Variants in FBXL18 observed in about 807,000 individuals in gnomAD.
FBXL18 encodes the protein F-box/LRR-repeat protein 18.
Under a neutral mutation model 46.0 loss-of-function variants are expected in FBXL18, and 36 were observed. That is an observed-to-expected ratio of 0.78 (90% CI 0.60 to 1.03). The LOEUF is 1.03. FBXL18 is among the 50% of genes least tolerant of loss of function. The pLI is 0.00. For missense variants in FBXL18, 977 were observed against 1,004.1 expected, an observed-to-expected ratio of 0.97 and a Z score of 0.36; for synonymous variants, 557 against 465.3, an observed-to-expected ratio of 1.20 and a Z score of -2.54.
At chr7:5,492,698 A>G (rs1783962207) in intron 3 of FBXL18, among the ~76,000 whole-genome samples, 1 of 152,120 alleles carries the variant, frequency 6.6e-6, no homozygotes, top group Non-Finnish European at 1.5e-5. Flanking sequence ...TTATAAGGCC[A>G]GGTGAAGGCA....
downstream of FBXL18, among the ~76,000 whole-genome samples, chr7:5,474,676 G>T (rs982280419): frequency 4.9e-5 from 1 of 20,474 alleles, no homozygotes; most frequent in South Asian, 2.4e-3. Flanking sequence ...GGCAAATTAT[G>T]CACTTTATTT....
chr7:5,510,318 AAAAG>A (rs1584248335), intron 1 of FBXL18, among the ~76,000 whole-genome samples: 1 of 150,754 alleles, frequency 6.6e-6, no homozygotes, highest in East Asian at 1.9e-4. Context: ...AAAAAAAAAA[AAAAG>A]AAAAGAAAAA....
At chr7:5,463,720 A>AT (rs1562672240) in intron 4 of FBXL18, among the ~76,000 whole-genome samples, 52 of 63,276 alleles carry the variant, frequency 8.2e-4, no homozygotes, top group South Asian at 1.3e-3. Context: ...TTATTTATTT[A>AT]TTTATTTATT....
At chr7:5,463,713 T>TATATATATATA in intron 4 of FBXL18, among the ~76,000 whole-genome samples, 1 of 66,918 alleles carries the variant, frequency 1.5e-5, no homozygotes, top group African/African-American at 6.0e-5. Flanking sequence ...TATTTATTTA[T>TATATATATATA]TTATTTATTT....
chr7:5,508,439 C>CCAA (rs1469352696), intron 1 of FBXL18, among the ~76,000 whole-genome samples: 2 of 81,660 alleles, frequency 2.4e-5, no homozygotes, highest in Admixed American at 1.4e-4. Context: ...GAGACTTTGT[C>CCAA]TAAAAAAAAA....
chr7:5,498,551 G>A (rs1032796347), intron 3 of FBXL18, among the ~76,000 whole-genome samples: 4 of 151,660 alleles, frequency 2.6e-5, no homozygotes, highest in African/African-American at 4.8e-5. Flanking sequence ...CGCCACGCCC[G>A]GCCCATTTGG....
Position 5,500,660 on chromosome 7 carries a change from T to C in FBXL18, c.1609A>G (p.Thr537Ala), listed in dbSNP as rs1404354034. 1 of 1,611,636 alleles carries C rather than the reference T, an allele frequency of 6.2e-7. No homozygotes were observed. The highest frequency in any genetic ancestry group is 8.5e-7 in the Non-Finnish European group (1 of 1,179,328). Residue 537 changes from threonine (T) to alanine (A), a missense_variant, in exon 3 of 5, where the codon ACG becomes GCG. By Grantham distance (58) the Thr-to-Ala change is moderately conservative. Transcript: ENST00000382368. ...IGQLAFLRHLTLAQLPSVLTG... is the reference protein window; with the variant it reads ...IGQLAFLRHLALAQLPSVLTG... ...AGGACGCTGGGCAGCTGTGCGAGCGTCAGGTGCCGCAGGAAGGCCAGCTGG... is the reference window on the plus strand; with the variant it reads ...AGGACGCTGGGCAGCTGTGCGAGCGCCAGGTGCCGCAGGAAGGCCAGCTGG...
chr7:5,456,168 C>T (rs535161480), intron 4 of FBXL18, among the ~76,000 whole-genome samples: 1 of 152,106 alleles, frequency 6.6e-6, no homozygotes, highest in Non-Finnish European at 1.5e-5. Context: ...CTGTCCTCCC[C>T]GAGGCTCAGC....
chr7:5,489,744 A>G, intron 4 of FBXL18: 1 of 260,990 alleles, frequency 3.8e-6, no homozygotes, highest in African/African-American at 2.2e-5. Context: ...ACGCCACTGC[A>G]CTCCAGCCTG....
In FBXL18 at chr7:5,498,233, G is replaced by A. The variant is rs557818745; in HGVS notation, c.1781+2255C>T. 2.5e-4 allele frequency among the ~76,000 whole-genome samples: 38 copies of A among 151,908 alleles called. 1 individual carries two copies. In the South Asian group the frequency reaches 6.4e-3, roughly 26 times the overall value. On this transcript the variant is annotated intron_variant, in intron 3 of 4. Coordinates refer to ENST00000382368, the MANE Select transcript of FBXL18 (RefSeq NM_024963.6). ...CTCCTAAGCAGCTGGGACTACAGGC[G>A]CCCACCACCACGCCCAGCTAATTTT...
At chr7:5,486,709 G>T (rs899930273) in intron 4 of FBXL18, among the ~76,000 whole-genome samples, 3 of 152,210 alleles carry the variant, frequency 2.0e-5, no homozygotes, top group Non-Finnish European at 2.9e-5. Flanking sequence ...AGTCGTGTGT[G>T]AAGGTGAGTC....
intron 4 of FBXL18, among the ~76,000 whole-genome samples, chr7:5,490,854 G>A (rs1418870439): frequency 6.6e-6 from 1 of 152,186 alleles, no homozygotes; most frequent in Non-Finnish European, 1.5e-5. Context: ...AGCTACTCAG[G>A]AAGCCAAGGC....
At position 5,503,497 on chromosome 7, in the gene FBXL18, A is replaced by G. The variant is rs556176436; in HGVS notation, c.238-1466T>C. ...GCCTCCTGAGTAGCTGGAACTACAG[A>G]CATGTGCCACCATGCCATGCTCATT... On this transcript the variant is annotated intron_variant, in intron 2 of 4. Coordinates refer to ENST00000382368, the MANE Select transcript of FBXL18 (RefSeq NM_024963.6). 1.9e-4 allele frequency among the ~76,000 whole-genome samples: 29 copies of G among 150,352 alleles called. No homozygotes were observed. The South Asian group carries it at 5.9e-3, about 30-fold the overall frequency.
intron 4 of FBXL18, among the ~76,000 whole-genome samples, chr7:5,485,782 T>C (rs1247951642): frequency 2.6e-5 from 4 of 151,908 alleles, no homozygotes; most frequent in Admixed American, 1.3e-4. Flanking sequence ...CCGGGCGCGG[T>C]GGCTCAAGCC....
chr7:5,482,049 T>C, intron 4 of FBXL18, 118 bp from the exon 5 acceptor site: 1 of 1,228,894 alleles, frequency 8.1e-7, no homozygotes, highest in Non-Finnish European at 1.1e-6. Context: ...CACCTGGGGC[T>C]CCCAGACAGA....
chr7:5,505,121 G>A (rs772450278), intron 2 of FBXL18, among the ~76,000 whole-genome samples: 2 of 151,360 alleles, frequency 1.3e-5, no homozygotes, highest in Admixed American at 6.6e-5. Context: ...CACTCCTAGC[G>A]ATCCACAAGA....
intron 3 of FBXL18, among the ~76,000 whole-genome samples, chr7:5,493,408 G>T (rs1783983044): frequency 6.6e-6 from 1 of 152,084 alleles, no homozygotes; most frequent in African/African-American, 2.4e-5. Context: ...CCATTCTCCT[G>T]CCTCAGCCTC....
chr7:5,463,706 T>TATATATATATATATATATA (rs374634728), intron 4 of FBXL18, among the ~76,000 whole-genome samples: 5 of 59,456 alleles, frequency 8.4e-5, no homozygotes, highest in African/African-American at 3.0e-4. Context: ...ATATATATAT[T>TATATATATATATATATATA]TATTTATTTA....
chr7:5,475,534 A>G (rs952231783), downstream of FBXL18, among the ~76,000 whole-genome samples: 4 of 152,052 alleles, frequency 2.6e-5, no homozygotes, highest in African/African-American at 7.2e-5. This position sits in a 1 kb window ranked among gnomAD's most constrained non-coding sequence, Gnocchi z 4.2. Context: ...ATCCTGACCT[A>G]CGCAGCCTCC....
Sources: allele counts gnomAD v4.1 joint callset (sites outside exome capture counted in the v4.1 genomes callset), GRCh38; gene constraint gnomAD v4.1.1; non-coding constraint Gnocchi (gnomAD v3.1); transcripts MANE v1.5; gene names NCBI Gene and HGNC (gene_info 2026-07-23, HGNC 2026-07-21).